The following ARHGAP21 variants were observed in gnomAD, a reference collection of about 807,000 sequenced individuals.
The protein encoded by ARHGAP21 is Rho GTPase activating protein 21.
In ARHGAP21, 38 loss-of-function variants were observed where a neutral mutation model predicts 164.6. The ratio of observed to expected loss-of-function variants is 0.23; its 90% CI spans 0.18 to 0.30. The LOEUF is 0.30. Among genes scored for constraint, ARHGAP21 ranks in the 10% least tolerant of loss-of-function variants. The pLI is 1.00. For missense variants in ARHGAP21, 1,822 were observed against 2,370.7 expected (o/e 0.77, Z 4.81); for synonymous variants, 766 against 857.9 (o/e 0.89, Z 1.87).
chr10:24,621,115 T>G lies in ARHGAP21; in HGVS notation c.780A>C (p.Ser260=). The change falls in exon 9 of 26, where the codon TCA becomes TCC. Residue 260 remains serine (S), a synonymous_variant. Transcript: ENST00000396432. The part of the protein sequence containing the change: ...VPPSPTDVAK[S]NTAVCVCNES... ...CATTGCAAACACACACTGCTGTGTT[T>G]GATTTTGCAACATCTGTTGGTGATG... 1 of 1,613,840 alleles carries G rather than the reference T, an allele frequency of 6.2e-7. No individual in the cohort carries two copies. Among genetic ancestry groups the G allele is most frequent in the Non-Finnish European group, 8.5e-7 (1 of 1,179,752 alleles).
intron 2 of ARHGAP21, among the ~76,000 whole-genome samples, chr10:24,685,648 G>A (rs1246366479): frequency 1.3e-5 from 2 of 151,700 alleles, no homozygotes; most frequent in African/African-American, 4.9e-5. Flanking sequence ...GGCCGAGGTG[G>A]GCGGATCACT....
chr10:24,597,953 ATTG>A lies in ARHGAP21; in HGVS notation c.3186_3188del (p.Asn1063del). ...CAAGGTGGGATTCTCACCTCATCAGATTGTTGTATTCTTTTATTCTTCGACTAA... is the reference window on the plus strand; with the variant it reads ...CAAGGTGGGATTCTCACCTCATCAGATTGTATTCTTTTATTCTTCGACTAA... On this transcript the variant is annotated inframe_deletion, in exon 15 of 26. Coordinates refer to ENST00000396432, the MANE Select transcript of ARHGAP21 (RefSeq NM_020824.4). The A allele has an allele frequency of 6.2e-7, 1 of 1,613,328 alleles. No individual in the cohort carries two copies. Among genetic ancestry groups the A allele is most frequent in the Non-Finnish European group, 8.5e-7 (1 of 1,179,552 alleles).
At chr10:24,642,465 A>G (rs1837156446) in intron 4 of ARHGAP21, among the ~76,000 whole-genome samples, 1 of 150,124 alleles carries the variant, frequency 6.7e-6, no homozygotes, top group Non-Finnish European at 1.5e-5. Flanking sequence ...CAGTGAGCCA[A>G]GATCGCGCCA....
rs988933908 is a variant in ARHGAP21 at position 24,676,178 on chromosome 10, A to C, written c.64-5781T>G. Among the ~76,000 whole-genome samples, 7 of 152,340 alleles carry C rather than the reference A, an allele frequency of 4.6e-5. No homozygotes were observed. In the East Asian group the frequency reaches 1.2e-3, roughly 25 times the overall value. On this transcript the variant is annotated intron_variant, in intron 2 of 25. Transcript: ENST00000396432. The stretch of plus-strand genomic sequence containing the variant: ...GAAAAAACAAAAAACCCTAAAAAGT[A>C]AAAATGATTCTAGAATTTAACACTG...
rs747754249 is a variant in ARHGAP21 at position 24,602,130 on chromosome 10, A to G, written c.2722-27T>C. Reference sequence around the variant, plus strand: ...TATAGAAAAGACCAAGAAAACAGTAAAATGTCAGCATTTTCCTTTATAAAT... The same window carrying G: ...TATAGAAAAGACCAAGAAAACAGTAGAATGTCAGCATTTTCCTTTATAAAT... On this transcript the variant is annotated intron_variant, in intron 12 of 25. Transcript: ENST00000396432. The G allele has an allele frequency of 4.4e-6, 7 of 1,592,380 alleles. No homozygotes were observed. The Admixed American group carries it at 8.9e-5, about 20-fold the overall frequency.
chr10:24,719,370 C>CAAT (rs1845708553), intron 2 of ARHGAP21, among the ~76,000 whole-genome samples: 1 of 152,060 alleles, frequency 6.6e-6, no homozygotes, highest in Admixed American at 6.5e-5. Context: ...TATATCAACA[C>CAAT]AATAAAATTG....
chr10:24,708,805 C>T (rs1434765019), intron 2 of ARHGAP21, among the ~76,000 whole-genome samples: 1 of 152,204 alleles, frequency 6.6e-6, no homozygotes, highest in African/African-American at 2.4e-5. Flanking sequence ...GTCTTCCATT[C>T]CAAATATACC....
At chr10:24,668,592 ATT>A (rs1424743373) in intron 3 of ARHGAP21, among the ~76,000 whole-genome samples, 1 of 151,268 alleles carries the variant, frequency 6.6e-6, no homozygotes, top group African/African-American at 2.4e-5. Flanking sequence ...AACACCGCAC[ATT>A]TACTTCAATG....
rs2076320979 is a variant in ARHGAP21 at position 24,591,349 on chromosome 10, G to T, written c.4045-19C>A. ...CTGTTGTCTATGGTTAATAAACAAA[G>T]ATCTCTTCATCATCTCTTCAAAGAT... is the stretch of plus-strand genomic sequence containing the variant. On this transcript the variant is annotated intron_variant, in intron 23 of 25. Coordinates refer to ENST00000396432, the MANE Select transcript of ARHGAP21 (RefSeq NM_020824.4). 2 of 1,566,808 alleles carry T rather than the reference G, an allele frequency of 1.3e-6. No homozygotes were observed.
chr10:24,598,159 A>C (rs897299866), intron 14 of ARHGAP21, 150 bp from the exon 15 acceptor site: 4 of 637,310 alleles, frequency 6.3e-6, no homozygotes, highest in African/African-American at 5.6e-5. Context: ...GCTTCTATTC[A>C]ACATCACTGT....
chr10:24,709,738 T>C (rs900634349), intron 2 of ARHGAP21, among the ~76,000 whole-genome samples: 20 of 131,076 alleles, frequency 1.5e-4, no homozygotes, highest in African/African-American at 5.5e-4. Context: ...AACCTTCTCT[T>C]AAAAAAAAAA....
intron 9 of ARHGAP21, among the ~76,000 whole-genome samples, chr10:24,618,983 C>G (rs1263241610): frequency 6.6e-6 from 1 of 152,212 alleles, no homozygotes. Flanking sequence ...AGTAACTTCT[C>G]TAAATCTGTT....
intron 4 of ARHGAP21, among the ~76,000 whole-genome samples, chr10:24,642,308 G>A (rs1364954018): frequency 6.6e-6 from 1 of 151,980 alleles, no homozygotes; most frequent in Non-Finnish European, 1.5e-5. Flanking sequence ...GAGGTCAGGA[G>A]ATCGAGACCA....
intron 11 of ARHGAP21, among the ~76,000 whole-genome samples, chr10:24,606,398 TATAA>T (rs2077026756): frequency 6.6e-6 from 1 of 151,926 alleles, no homozygotes; most frequent in African/African-American, 2.4e-5. Context: ...CACAGAAAAA[TATAA>T]ATATCTTAAA....
intron 13 of ARHGAP21, 43 bp from the exon 14 acceptor site, chr10:24,600,973 A>C: frequency 1.3e-6 from 2 of 1,580,722 alleles, no homozygotes; most frequent in Non-Finnish European, 1.7e-6. Flanking sequence ...ATATTTGGCT[A>C]AATCTTTGTG....
At chr10:24,630,384 A>G (rs1307373947) in intron 6 of ARHGAP21, among the ~76,000 whole-genome samples, 2 of 152,358 alleles carry the variant, frequency 1.3e-5, no homozygotes, top group Non-Finnish European at 2.9e-5. Flanking sequence ...ATATCAGTAT[A>G]CAATTATTTA....
intron 2 of ARHGAP21, among the ~76,000 whole-genome samples, chr10:24,677,177 G>A (rs888853934): frequency 7.2e-5 from 11 of 152,096 alleles, no homozygotes; most frequent in African/African-American, 2.2e-4. Flanking sequence ...CCAAGAACAC[G>A]CCATTGTACT....
At chr10:24,588,792 T>C (rs2076212372) in intron 25 of ARHGAP21, among the ~76,000 whole-genome samples, 1 of 152,196 alleles carries the variant, frequency 6.6e-6, no homozygotes, top group South Asian at 2.1e-4. Context: ...GGCAAGACTA[T>C]ACTGTCTGTA....
intron 4 of ARHGAP21, among the ~76,000 whole-genome samples, chr10:24,635,933 G>A (rs967424620): frequency 1.3e-5 from 2 of 152,132 alleles, no homozygotes; most frequent in African/African-American, 2.4e-5. Context: ...AGTCTGGTAG[G>A]AGGAGAAAGA....
Sources: allele counts gnomAD v4.1 joint callset (sites outside exome capture counted in the v4.1 genomes callset), GRCh38; gene constraint gnomAD v4.1.1; transcripts MANE v1.5; gene names NCBI Gene and HGNC (gene_info 2026-07-23, HGNC 2026-07-21).